The following NLRP5 variants were observed in gnomAD, a reference collection of about 807,000 sequenced individuals.
NLRP5 encodes the protein NLR family pyrin domain containing 5, also known as NACHT, LRR and PYD domains-containing protein 5.
Under a neutral mutation model 113.1 loss-of-function variants are expected in NLRP5, and 93 were observed. That is an observed-to-expected ratio of 0.82 (90% confidence interval 0.70 to 0.98). The LOEUF (loss-of-function observed/expected upper bound fraction) is 0.98. Among genes scored for constraint, NLRP5 ranks in the 50% least tolerant of loss-of-function variants. The probability of loss-of-function intolerance (pLI) is 0.00; values close to 1 mark genes in which losing one functional copy is unlikely to be tolerated. For synonymous variants in NLRP5, 751 were observed against 600.7 expected (o/e 1.25, Z -3.66); for missense variants, 1,808 against 1,514.3 (o/e 1.19, Z -3.22).
chr19:55,987,981 G>A, the NLRP5 span: 3 of 1,176,184 alleles, frequency 2.6e-6, 1 homozygote, highest in South Asian at 2.5e-5. Flanking sequence ...CAAATACCAG[G>A]CGTTATCATC....
intron 2 of NLRP5, among the ~76,000 whole-genome samples, chr19:56,007,076 CTT>C (rs1981950064): frequency 1.3e-5 from 2 of 151,336 alleles, no homozygotes; most frequent in South Asian, 4.2e-4. Context: ...ATAAAAATGT[CTT>C]ATGGCTGGGC....
In NLRP5 at chr19:56,027,569, A is replaced by G; in HGVS notation, c.1336A>G (p.Ile446Val). The G allele has an allele frequency of 6.2e-7, 1 of 1,613,954 alleles. No homozygotes were observed. Among genetic ancestry groups the G allele is most frequent in the Non-Finnish European group, 8.5e-7 (1 of 1,179,878 alleles). Residue 446 changes from isoleucine (I) to valine (V), a missense_variant, in exon 7 of 15, where the codon ATT becomes GTT. By Grantham distance (29) the Ile-to-Val change is conservative. Transcript: ENST00000390649. ...AATCCACTTGCTCCTTGAGCGCGGG[A>G]TTGGTGAGCATCAGAAGACACAAGG...
At chr19:56,017,877 A>C (rs1982468500) in intron 4 of NLRP5, among the ~76,000 whole-genome samples, 1 of 152,092 alleles carries the variant, frequency 6.6e-6, no homozygotes. Context: ...GCGGTCGCGC[A>C]ATCTTGGCTC....
At chr19:56,020,573 T>C (rs1982576072) in intron 6 of NLRP5, 142 bp downstream of exon 6, 2 of 880,440 alleles carry the variant, frequency 2.3e-6, no homozygotes, top group African/African-American at 1.7e-5. Flanking sequence ...ACCCCTTCCC[T>C]TCAAGCTCTT....
At chr19:56,040,155 C>T (rs949344207) in intron 10 of NLRP5, among the ~76,000 whole-genome samples, 1 of 152,160 alleles carries the variant, frequency 6.6e-6, no homozygotes, top group Non-Finnish European at 1.5e-5. Context: ...CTATGTTGCC[C>T]AGGCTGGTCT....
At chr19:56,034,283 G>A (rs1983232700) in intron 9 of NLRP5, among the ~76,000 whole-genome samples, 1 of 152,222 alleles carries the variant, frequency 6.6e-6, no homozygotes, top group African/African-American at 2.4e-5. Flanking sequence ...CTACTCGGGA[G>A]GCTGAGTCAG....
chr19:56,005,410 T>C (rs866022244), intron 2 of NLRP5, among the ~76,000 whole-genome samples: 1 of 146,042 alleles, frequency 6.8e-6, no homozygotes, highest in African/African-American at 2.6e-5. Flanking sequence ...CATATACACA[T>C]ATATTTTTAT....
rs1315225689 is a variant in NLRP5 at position 56,024,390 on chromosome 19, ATATACATATATGTACATATATG to A, written c.680-2518_680-2497del. On this transcript the variant is annotated intron_variant, in intron 6 of 14. Coordinates refer to ENST00000390649, the MANE Select transcript of NLRP5 (RefSeq NM_153447.4). ...ATATATATATGTGTATATATAACAT[ATATACATATATGTACATATATG>A]TATATATGTTATATATACACATATA... is the stretch of plus-strand genomic sequence containing the variant. Among the ~76,000 whole-genome samples the A allele has an allele frequency of 1.8e-4, 23 of 126,728 alleles. 1 individual carries two copies. In the East Asian group the frequency reaches 3.3e-3, roughly 18 times the overall value. 83.1% of individuals were successfully genotyped at this position (126,728 alleles called of 152,430 possible).
chr19:56,007,904 CGTGTGTGT>C lies in NLRP5; in HGVS notation c.443-861_443-854del, dbSNP rs57588214. 7.4e-3 allele frequency among the ~76,000 whole-genome samples: 815 copies of C among 110,088 alleles called. 40 individuals are homozygous for C. Among genetic ancestry groups the C allele is most frequent in the African/African-American group, 0.025 (756 of 30,072 alleles). 72.2% of individuals were successfully genotyped at this position (110,088 alleles called of 152,430 possible). A position where few individuals can be genotyped will look rare whatever the true frequency, so the allele number is the denominator to read the frequency against. On this transcript the variant is annotated intron_variant, in intron 2 of 14. Coordinates refer to ENST00000390649, the MANE Select transcript of NLRP5 (RefSeq NM_153447.4). ...GTGTGTGTGTGCGCGTGCGCGCGTG[CGTGTGTGT>C]GTGTGTGTGTGTGTGTGTGTGTTTG...
rs779881731 is a variant in NLRP5 at position 56,027,723 on chromosome 19, C to G, written c.1490C>G (p.Thr497Arg). ...GAGAGCGTCGCCCCCTTCAACCAAACGCTCACAGGCCTGCACGCCGCTTTT... is the reference window on the plus strand; with the variant it reads ...GAGAGCGTCGCCCCCTTCAACCAAAGGCTCACAGGCCTGCACGCCGCTTTT... Residue 497 changes from threonine (T) to arginine (R), a missense_variant, in exon 7 of 15, where the codon ACG (threonine) becomes AGG (arginine). Transcript: ENST00000390649. 1 of 1,613,526 alleles carries G rather than the reference C, an allele frequency of 6.2e-7. No individual in the cohort carries two copies. The highest frequency in any genetic ancestry group is 1.3e-5 in the African/African-American group (1 of 74,868).
intron 8 of NLRP5, among the ~76,000 whole-genome samples, 166 bp downstream of exon 8, chr19:56,032,947 C>G (rs1289984853): frequency 3.3e-5 from 5 of 152,114 alleles, no homozygotes; most frequent in African/African-American, 9.7e-5. Flanking sequence ...TGGGGAGTCG[C>G]TAAAGACCTT....
intron 9 of NLRP5, among the ~76,000 whole-genome samples, chr19:56,036,058 CTTTTTTT>C (rs34956178): frequency 5.2e-5 from 4 of 77,002 alleles, no homozygotes; most frequent in East Asian, 4.9e-4. Context: ...AATTGAGATT[CTTTTTTT>C]TTTTTTTTTT....
intron 7 of NLRP5, among the ~76,000 whole-genome samples, chr19:56,030,851 C>G (rs777556176): frequency 6.6e-6 from 1 of 151,342 alleles, no homozygotes; most frequent in Admixed American, 6.6e-5. Context: ...AGTAGCTGGA[C>G]TACAGTTGCC....
At chr19:55,997,018 G>T (rs1277076392), upstream of NLRP5, among the ~76,000 whole-genome samples, 1 of 152,036 alleles carries the variant, frequency 6.6e-6, no homozygotes, top group Admixed American at 6.6e-5. Flanking sequence ...ACTTTTTAAT[G>T]ATCACCATTC....
Position 56,015,848 on chromosome 19 carries a change from G to C in NLRP5, c.565+50G>C, listed in dbSNP as rs778446586. ...TGTTGCCCTCCTGGAAGAAAGTTGG[G>C]TGAGAGAAGTTCATGTAGTTCAAAG... On this transcript the variant is annotated intron_variant, in intron 4 of 14. Transcript: ENST00000390649. The C allele has an allele frequency of 8.4e-6, 12 of 1,421,676 alleles. No homozygotes were observed. In the East Asian group the frequency reaches 3.0e-4, roughly 36 times the overall value. 88.1% of individuals were successfully genotyped at this position (1,421,676 alleles called of 1,614,324 possible). A position where few individuals can be genotyped will look rare whatever the true frequency, so the allele number is the denominator to read the frequency against.
rs374971021 is a variant in NLRP5 at position 56,027,668 on chromosome 19, G to T, written c.1435G>T (p.Val479Leu). The change falls in exon 7 of 15, where the codon GTG becomes TTG. Residue 479 changes from valine to leucine, a missense_variant. Coordinates refer to ENST00000390649, the MANE Select transcript of NLRP5 (RefSeq NM_153447.4). ...GCCCGCCGTGGGCTCTCTCATCTGC[G>T]TGGCCCTGCAGCTGCAGGACGTGGT... The T allele has an allele frequency of 2.5e-6, 4 of 1,613,424 alleles. No individual in the cohort carries two copies. Among genetic ancestry groups the T allele is most frequent in the East Asian group, 4.5e-5 (2 of 44,884 alleles).
rs779823774 is a variant in NLRP5, at chr19:56,028,401, C to T, written c.2168C>T (p.Ser723Phe). 5 of 1,613,992 alleles carry T rather than the reference C, an allele frequency of 3.1e-6. No individual in the cohort carries two copies. In the Admixed American group the frequency reaches 5.0e-5, roughly 16 times the overall value. ...AACCAGAACCTGGACTTGATAGCATCTTCCTTCTGCCTCCAGCACTGTCCG... is the reference window on the plus strand; with the variant it reads ...AACCAGAACCTGGACTTGATAGCATTTTCCTTCTGCCTCCAGCACTGTCCG... Residue 723 changes from serine (S) to phenylalanine (F), a missense_variant, in exon 7 of 15, where the codon TCT becomes TTT. Coordinates refer to ENST00000390649, the MANE Select transcript of NLRP5 (RefSeq NM_153447.4).
chr19:56,003,772 T>A lies in NLRP5; in HGVS notation c.119T>A (p.Phe40Tyr). The change falls in exon 2 of 15, where the codon TTC becomes TAC. Residue 40 changes from phenylalanine (F) to tyrosine (Y), a missense_variant. Transcript: ENST00000390649. The stretch of plus-strand genomic sequence containing the variant: ...TCTATATTACCAAAGAATCCACTTT[T>A]CCCCCAAAACCTGAGCTCTCAGCCT... 6.2e-7 allele frequency: 1 copy of A among 1,613,664 alleles called. No individual in the cohort carries two copies. The highest frequency in any genetic ancestry group is 8.5e-7 in the Non-Finnish European group (1 of 1,179,814).
At chr19:56,017,342 A>G (rs985031200) in intron 4 of NLRP5, among the ~76,000 whole-genome samples, 6 of 143,520 alleles carry the variant, frequency 4.2e-5, no homozygotes, top group African/African-American at 1.5e-4. Flanking sequence ...CTACTCACTA[A>G]CCCCAAAAGG....
Sources: gnomAD v4.1 joint callset for allele counts (sites outside exome capture counted in the v4.1 genomes callset) on GRCh38, gnomAD v4.1.1 for gene constraint, MANE v1.5 for transcripts, NCBI Gene and HGNC (gene_info 2026-07-23, HGNC 2026-07-21) for gene names.